The following LAYN variants were observed in gnomAD, a reference collection of about 807,000 sequenced individuals.
LAYN encodes layilin.
Under a neutral mutation model 43.6 loss-of-function variants are expected in LAYN, and 38 were observed. That is an observed-to-expected ratio of 0.87 (90% CI 0.67 to 1.14). LAYN has a LOEUF of 1.14. Among genes scored for constraint, LAYN ranks in the 50% most tolerant of loss-of-function variants. The probability of loss-of-function intolerance (pLI) is 0.00; values close to 1 mark genes in which losing one functional copy is unlikely to be tolerated. For synonymous variants in LAYN, 168 were observed against 172.9 expected, an observed-to-expected ratio of 0.97 and a Z score of 0.22; for missense variants, 479 against 463.8, an observed-to-expected ratio of 1.03 and a Z score of -0.30.
At chr11:111,557,452 C>T (rs779760295) in intron 5 of LAYN, 89 bp from the exon 6 acceptor site, 52 of 1,030,852 alleles carry the variant, frequency 5.0e-5, no homozygotes, top group African/African-American at 8.0e-5. Context: ...TGGTTTTTGA[C>T]GATTATGCTT....
At chr11:111,556,128 T>G (rs1389364216) in intron 5 of LAYN, among the ~76,000 whole-genome samples, 2 of 152,168 alleles carry the variant, frequency 1.3e-5, no homozygotes, top group African/African-American at 4.8e-5. Flanking sequence ...GTTTGATAAT[T>G]CACTAGAACA....
At chr11:111,546,437 C>A (rs1482423262) in intron 2 of LAYN, among the ~76,000 whole-genome samples, 2 of 152,226 alleles carry the variant, frequency 1.3e-5, no homozygotes, top group East Asian at 3.9e-4. Context: ...TGTTCCCTTA[C>A]TGGTCTCTTT....
At position 111,557,926 on chromosome 11, in the gene LAYN, G is replaced by A. The variant is rs534964350; in HGVS notation, c.761+283G>A. Among the ~76,000 whole-genome samples the A allele has an allele frequency of 9.2e-5, 14 of 152,292 alleles. No homozygotes were observed. In the East Asian group the frequency reaches 1.2e-3, roughly 13 times the overall value. On this transcript the variant is annotated intron_variant, in intron 6 of 6. Transcript: ENST00000375614. ...TTATTCACCTCCCGTGCACTCACAC[G>A]TCACCCAGCAAAAATGCTCTCATGA...
At position 111,554,558 on chromosome 11, in the gene LAYN, C is replaced by CAG; in HGVS notation, c.543_544dup. The CAG allele has an allele frequency of 6.2e-7, 1 of 1,611,530 alleles. No homozygotes were observed. The highest frequency in any genetic ancestry group is 8.5e-7 in the Non-Finnish European group (1 of 1,178,676). ...TTTTTGTTTTTGTTTCTTTCTACTACAGAGAAACCAGCAGTTCCTTCTAGA... is the reference window on the plus strand; with the variant it reads ...TTTTTGTTTTTGTTTCTTTCTACTACAGAGAGAAACCAGCAGTTCCTTCTAGA... On this transcript the variant is annotated splice_region_variant and splice_polypyrimidine_tract_variant and intron_variant, in intron 3 of 6. Transcript: ENST00000375614.
intron 1 of LAYN, chr11:111,541,209 G>T: frequency 1.7e-6 from 1 of 593,616 alleles, no homozygotes; most frequent in Non-Finnish European, 3.0e-6. Context: ...ATGTAGGAGA[G>T]GTGGGGCAGT....
In LAYN at chr11:111,560,674, C is replaced by A. The variant is rs1440109419; in HGVS notation, c.*216C>A. The A allele has an allele frequency of 3.6e-6, 2 of 553,120 alleles. No homozygotes were observed. Among genetic ancestry groups the A allele is most frequent in the Non-Finnish European group, 6.4e-6 (2 of 313,676 alleles). 34.3% of individuals were successfully genotyped at this position (553,120 alleles called of 1,614,324 possible). On this transcript the variant is annotated 3_prime_UTR_variant, in exon 7 of 7. Transcript: ENST00000375614. The stretch of plus-strand genomic sequence containing the variant: ...TCCAGCTCGACCTTATGAGAAGGTA[C>A]CTTGCCCAGGTCTGGCACATAGTAG...
chr11:111,551,778 T>G (rs1867747414), intron 3 of LAYN, among the ~76,000 whole-genome samples: 1 of 152,200 alleles, frequency 6.6e-6, no homozygotes, highest in Non-Finnish European at 1.5e-5. Flanking sequence ...GAACATGATG[T>G]GATGATTTCC....
intron 6 of LAYN, among the ~76,000 whole-genome samples, chr11:111,558,230 C>T (rs1867879391): frequency 2.0e-5 from 3 of 151,884 alleles, no homozygotes; most frequent in Admixed American, 2.0e-4. Flanking sequence ...ATTTTTAGTA[C>T]TGAAAGCTCT....
At chr11:111,552,104 A>C (rs1047939001) in intron 3 of LAYN, among the ~76,000 whole-genome samples, 9 of 152,166 alleles carry the variant, frequency 5.9e-5, no homozygotes, top group South Asian at 2.1e-4. Context: ...AAGAGGGAGA[A>C]TAATTAAGTA....
chr11:111,540,687 C>T (rs1867512342), upstream of LAYN: 1 of 650,970 alleles, frequency 1.5e-6, no homozygotes, highest in Non-Finnish European at 2.4e-6. Context: ...GGAGGGGCGA[C>T]CGACTGACTC....
At chr11:111,555,497 A>C (rs1198878653) in intron 5 of LAYN, among the ~76,000 whole-genome samples, 1 of 152,184 alleles carries the variant, frequency 6.6e-6, no homozygotes, top group Non-Finnish European at 1.5e-5. Context: ...TGACTGGGGA[A>C]ATCAGACAGC....
At chr11:111,553,683 GT>G (rs1402059996) in intron 3 of LAYN, among the ~76,000 whole-genome samples, 1 of 148,622 alleles carries the variant, frequency 6.7e-6, no homozygotes, top group Non-Finnish European at 1.5e-5. Context: ...GTATAACTGG[GT>G]TTTTTTAAAT....
chr11:111,557,443 G>A (rs1867866484), intron 5 of LAYN, 98 bp from the exon 6 acceptor site: 1 of 903,824 alleles, frequency 1.1e-6, no homozygotes, highest in African/African-American at 1.7e-5. Context: ...GGGTACAAGT[G>A]GTTTTTGACG....
intron 6 of LAYN, among the ~76,000 whole-genome samples, chr11:111,559,615 T>C (rs964423820): frequency 6.6e-6 from 1 of 151,994 alleles, no homozygotes; most frequent in East Asian, 1.9e-4. Flanking sequence ...TGCACCACCA[T>C]GCCTGGTTAA....
At chr11:111,552,002 GTA>G (rs1270535945) in intron 3 of LAYN, among the ~76,000 whole-genome samples, 1 of 46,066 alleles carries the variant, frequency 2.2e-5, no homozygotes, top group Non-Finnish European at 6.6e-5. Context: ...TTATGTATGT[GTA>G]TGTGTGTGTG....
intron 3 of LAYN, among the ~76,000 whole-genome samples, chr11:111,553,911 C>G (rs1269217454): frequency 6.6e-6 from 1 of 152,076 alleles, no homozygotes; most frequent in Admixed American, 6.6e-5. Context: ...GACTCATTGC[C>G]AATACAACAG....
intron 3 of LAYN, among the ~76,000 whole-genome samples, chr11:111,551,123 G>A (rs181330681): frequency 2.4e-4 from 36 of 152,300 alleles, no homozygotes; most frequent in African/African-American, 7.9e-4. Flanking sequence ...TTATGTCCAG[G>A]CCTGAAGGAA....
At chr11:111,546,316 A>G (rs562266885) in intron 2 of LAYN, among the ~76,000 whole-genome samples, 1 of 152,204 alleles carries the variant, frequency 6.6e-6, no homozygotes, top group Non-Finnish European at 1.5e-5. Flanking sequence ...TCAGCTGGGC[A>G]TGCTATTTAC....
At chr11:111,549,877 C>A in intron 3 of LAYN, 102 bp downstream of exon 3, 1 of 1,279,200 alleles carries the variant, frequency 7.8e-7, no homozygotes, top group Non-Finnish European at 1.1e-6. Flanking sequence ...TCTGAGAAAG[C>A]TTGTTGCAAA....
Sources: allele counts gnomAD v4.1 joint callset (sites outside exome capture counted in the v4.1 genomes callset), GRCh38; gene constraint gnomAD v4.1.1; transcripts MANE v1.5; gene names NCBI Gene and HGNC (gene_info 2026-07-23, HGNC 2026-07-21).